The following RPS6KB1 variants were observed in gnomAD, a reference collection of about 807,000 sequenced individuals.
The protein encoded by RPS6KB1 is ribosomal protein S6 kinase B1, also known as ribosomal protein S6 kinase beta-1.
In RPS6KB1, 12 loss-of-function variants were observed where a neutral mutation model predicts 70.2. The observed-to-expected ratio is 0.17, with a 90% CI of 0.11 to 0.28. The LOEUF is 0.28. Among genes scored for constraint, RPS6KB1 ranks in the 10% least tolerant of loss-of-function variants. RPS6KB1 has a pLI of 1.00. For synonymous variants in RPS6KB1, 175 were observed against 211.2 expected, an observed-to-expected ratio of 0.83 and a Z score of 1.49; for missense variants, 270 against 646.6, an observed-to-expected ratio of 0.42 and a Z score of 6.32.
rs148897823 is a variant in RPS6KB1, at chr17:59,910,331, G to A, written c.142-231G>A. On this transcript the variant is annotated intron_variant, in intron 1 of 14. Coordinates refer to ENST00000225577, the MANE Select transcript of RPS6KB1 (RefSeq NM_003161.4). The stretch of plus-strand genomic sequence containing the variant: ...AGCTATTGACTGCATTCCAGTCTGG[G>A]CAACATAGAAAGACCTCATCTCTAT... Among the ~76,000 whole-genome samples, 326 of 152,202 alleles carry A rather than the reference G, an allele frequency of 2.1e-3. 3 individuals carry two copies. The highest frequency in any genetic ancestry group is 7.5e-3 in the African/African-American group (310 of 41,542).
intron 12 of RPS6KB1, among the ~76,000 whole-genome samples, chr17:59,938,649 G>T (rs1398371528): frequency 6.6e-6 from 1 of 150,934 alleles, no homozygotes; most frequent in Non-Finnish European, 1.5e-5. Context: ...ATCTAATTCA[G>T]ATTAAACTCT....
chr17:59,908,373 G>A (rs1211146128), intron 1 of RPS6KB1, among the ~76,000 whole-genome samples: 11 of 151,226 alleles, frequency 7.3e-5, no homozygotes, highest in African/African-American at 2.7e-4. Flanking sequence ...TTGTATTTTT[G>A]TATTTTTAGT....
chr17:59,938,791 A>G (rs1487562005), intron 12 of RPS6KB1, among the ~76,000 whole-genome samples: 2 of 148,004 alleles, frequency 1.4e-5, no homozygotes, highest in African/African-American at 5.0e-5. Context: ...TCAGCATTTC[A>G]CTACCAGGGT....
intron 12 of RPS6KB1, among the ~76,000 whole-genome samples, chr17:59,937,204 C>A (rs1278076766): frequency 1.4e-4 from 21 of 152,190 alleles, no homozygotes; most frequent in Non-Finnish European, 7.3e-5. Context: ...GAACTAAACC[C>A]AGTGGCAATT....
At chr17:59,929,253 C>T (rs1030268668) in intron 5 of RPS6KB1, among the ~76,000 whole-genome samples, 3 of 152,056 alleles carry the variant, frequency 2.0e-5, no homozygotes, top group African/African-American at 7.2e-5. Flanking sequence ...GCCTCAGCCT[C>T]CCAGGTAGCT....
chr17:59,917,263 C>T (rs1234219659), intron 4 of RPS6KB1, among the ~76,000 whole-genome samples: 11 of 151,264 alleles, frequency 7.3e-5, no homozygotes. Context: ...GGACCACAGA[C>T]ACGCACCACC....
chr17:59,895,872 A>G (rs1467805653), intron 1 of RPS6KB1, among the ~76,000 whole-genome samples: 3 of 151,850 alleles, frequency 2.0e-5, no homozygotes, highest in East Asian at 1.9e-4. Context: ...AGCTCCAGCA[A>G]TCTGCCAGCC....
chr17:59,903,030 G>A (rs1003402593), intron 1 of RPS6KB1, among the ~76,000 whole-genome samples: 1 of 151,862 alleles, frequency 6.6e-6, no homozygotes, highest in Non-Finnish European at 1.5e-5. Context: ...AAAATGAGCC[G>A]ATGCTGGGCA....
chr17:59,940,275 C>CTTTTTTTTTTTT (rs559026454), intron 12 of RPS6KB1, among the ~76,000 whole-genome samples: 3 of 81,490 alleles, frequency 3.7e-5, no homozygotes, highest in Admixed American at 1.8e-4. Flanking sequence ...GATATATTCA[C>CTTTTTTTTTTTT]TTTTTTTTTT....
At chr17:59,929,155 G>A (rs1415522758) in intron 5 of RPS6KB1, among the ~76,000 whole-genome samples, 2 of 150,842 alleles carry the variant, frequency 1.3e-5, no homozygotes, top group African/African-American at 4.9e-5. Flanking sequence ...TTTTGAGACG[G>A]AATCTCACTC....
intron 1 of RPS6KB1, among the ~76,000 whole-genome samples, chr17:59,902,608 C>T (rs1478465613): frequency 6.9e-6 from 1 of 144,384 alleles, no homozygotes; most frequent in Admixed American, 7.1e-5. Flanking sequence ...GATAGGGTCT[C>T]ACTCCGTTGC....
intron 1 of RPS6KB1, among the ~76,000 whole-genome samples, chr17:59,897,163 A>G (rs991925062): frequency 2.0e-5 from 3 of 152,168 alleles, no homozygotes; most frequent in Non-Finnish European, 4.4e-5. Context: ...TCTTCATTGC[A>G]TTTACTAGTT....
At position 59,946,990 on chromosome 17, in the gene RPS6KB1, G is replaced by T; in HGVS notation, c.*202G>T. 7.1e-7 allele frequency: 1 copy of T among 1,407,840 alleles called. No homozygotes were observed. The highest frequency in any genetic ancestry group is 1.5e-5 in the South Asian group (1 of 65,308). 87.2% of individuals were successfully genotyped at this position (1,407,840 alleles called of 1,614,324 possible). On this transcript the variant is annotated 3_prime_UTR_variant, in exon 15 of 15. Transcript: ENST00000225577. The surrounding 1 kb of genome is among the most constrained non-coding windows in gnomAD (Gnocchi z 4.2). The stretch of plus-strand genomic sequence containing the variant: ...AAAAAACTTAAAGCAAAATAGTATT[G>T]CTGAACTCTTAGGCACATCAATTAA...
chr17:59,943,462 C>A (rs1484149350), intron 13 of RPS6KB1, among the ~76,000 whole-genome samples: 1 of 152,100 alleles, frequency 6.6e-6, no homozygotes. Flanking sequence ...TTGAAGCTTT[C>A]GTTGCCAGTT....
chr17:59,899,508 A>G (rs1305923991), intron 1 of RPS6KB1, among the ~76,000 whole-genome samples: 4 of 152,190 alleles, frequency 2.6e-5, no homozygotes, highest in African/African-American at 9.7e-5. Flanking sequence ...TTAATTTAGA[A>G]TTAAGTAAAA....
At chr17:59,899,266 A>G (rs1286236047) in intron 1 of RPS6KB1, among the ~76,000 whole-genome samples, 2 of 152,072 alleles carry the variant, frequency 1.3e-5, no homozygotes. Flanking sequence ...TATGTATTAC[A>G]TAATGTTATT....
Position 59,893,177 on chromosome 17 carries a change from C to T in RPS6KB1, c.-8C>T, listed in dbSNP as rs1313496352. 5 of 1,564,366 alleles carry T rather than the reference C, an allele frequency of 3.2e-6. No homozygotes were observed. The Admixed American group carries it at 7.6e-5, about 24-fold the overall frequency. Reference sequence around the variant, plus strand: ...AGCGGCTGTGGTGGCTGCGGCGGGTCCGGGCCCATGAGGCGACGAAGGAGG... The same window carrying T: ...AGCGGCTGTGGTGGCTGCGGCGGGTTCGGGCCCATGAGGCGACGAAGGAGG... On this transcript the variant is annotated 5_prime_UTR_variant, in exon 1 of 15. Coordinates refer to ENST00000225577, the MANE Select transcript of RPS6KB1 (RefSeq NM_003161.4). This position sits in a 1 kb window ranked among gnomAD's most constrained non-coding sequence, Gnocchi z 4.1.
intron 2 of RPS6KB1, among the ~76,000 whole-genome samples, 187 bp downstream of exon 2, chr17:59,910,798 T>C (rs2042587171): frequency 6.6e-6 from 1 of 152,230 alleles, no homozygotes; most frequent in African/African-American, 2.4e-5. Context: ...TTTGAGATTA[T>C]GTATGGATTT....
Position 59,901,627 on chromosome 17 carries a change from A to G in RPS6KB1, c.141+8302A>G, listed in dbSNP as rs1268261712. On this transcript the variant is annotated intron_variant, in intron 1 of 14. Coordinates refer to ENST00000225577, the MANE Select transcript of RPS6KB1 (RefSeq NM_003161.4). Reference sequence around the variant, plus strand: ...CAGCATAACAGCACCCTGTCTCTGAAAAAAAAAAAAAAAAAAAAAGAAAAA... The same window carrying G: ...CAGCATAACAGCACCCTGTCTCTGAGAAAAAAAAAAAAAAAAAAAGAAAAA... Among the ~76,000 whole-genome samples, 255 of 35,272 alleles carry G rather than the reference A, an allele frequency of 7.2e-3. No individual in the cohort carries two copies. In the African/African-American group the frequency reaches 0.089, roughly 12 times the overall value. 23.1% of individuals were successfully genotyped at this position (35,272 alleles called of 152,430 possible).
Sources: allele counts gnomAD v4.1 joint callset (sites outside exome capture counted in the v4.1 genomes callset), GRCh38; gene constraint gnomAD v4.1.1; non-coding constraint Gnocchi (gnomAD v3.1); transcripts MANE v1.5; gene names NCBI Gene and HGNC (gene_info 2026-07-23, HGNC 2026-07-21).